MTAP: variants seen among roughly 807,000 people sequenced by gnomAD.
The protein encoded by MTAP is methylthioadenosine phosphorylase, also known as S-methyl-5'-thioadenosine phosphorylase.
MTAP carries 33 observed loss-of-function variants against 33.6 expected under a neutral mutation model. That is an observed-to-expected ratio of 0.98 (90% CI 0.74 to 1.31). The LOEUF is 1.31. Ranked by LOEUF, MTAP falls within the 40% of genes most tolerant of loss-of-function variation. The pLI, the probability that MTAP is intolerant of heterozygous loss-of-function variation, is 0.00. For synonymous variants in MTAP, 148 were observed against 125.7 expected (o/e 1.18, Z -1.19); for missense variants, 367 against 360.0 (o/e 1.02, Z -0.16).
At chr9:21,820,751 C>G (rs1824613564) in intron 4 of MTAP, among the ~76,000 whole-genome samples, 1 of 152,162 alleles carries the variant, frequency 6.6e-6, no homozygotes, top group Non-Finnish European at 1.5e-5. Flanking sequence ...TTCTACCTAT[C>G]CATGAGCATG....
At chr9:21,808,477 C>G (rs1373087076) in intron 1 of MTAP, among the ~76,000 whole-genome samples, 5 of 151,258 alleles carry the variant, frequency 3.3e-5, no homozygotes, top group Non-Finnish European at 7.4e-5. Flanking sequence ...TGTAGTTCAG[C>G]TCCTTGGGGG....
intron 1 of MTAP, among the ~76,000 whole-genome samples, chr9:21,912,403 A>G (rs979138657): frequency 6.6e-6 from 1 of 152,214 alleles, no homozygotes; most frequent in African/African-American, 2.4e-5. Context: ...GGCAAACCGA[A>G]TCCAGCAGCA....
chr9:21,853,053 C>T (rs1825555225), intron 5 of MTAP, among the ~76,000 whole-genome samples: 1 of 152,156 alleles, frequency 6.6e-6, no homozygotes, highest in African/African-American at 2.4e-5. Context: ...GTTAGCTGTT[C>T]TTGAAGGAAT....
chr9:21,848,990 T>A (rs926907811), intron 5 of MTAP, among the ~76,000 whole-genome samples: 1 of 152,178 alleles, frequency 6.6e-6, no homozygotes, highest in African/African-American at 2.4e-5. Context: ...ATCACAGCAT[T>A]CCTAGAAGTA....
At chr9:21,836,831 G>A (rs1251967074) in intron 4 of MTAP, among the ~76,000 whole-genome samples, 1 of 152,186 alleles carries the variant, frequency 6.6e-6, no homozygotes, top group African/African-American at 2.4e-5. Context: ...CCACTGTTTA[G>A]TGTGTGATGA....
At chr9:21,912,140 T>C (rs150750972) in intron 1 of MTAP, among the ~76,000 whole-genome samples, 3,404 of 152,246 alleles carry the variant, frequency 0.022, 134 homozygotes, top group African/African-American at 0.075. Flanking sequence ...CAATAATTAA[T>C]AGCTTACCAA....
At chr9:21,910,309 A>T (rs985229534) in intron 1 of MTAP, among the ~76,000 whole-genome samples, 1 of 152,170 alleles carries the variant, frequency 6.6e-6, no homozygotes, top group Non-Finnish European at 1.5e-5. Context: ...GGAAGAAAAT[A>T]AACAATAGCT....
At chr9:21,840,818 G>A (rs1587235473) in intron 5 of MTAP, among the ~76,000 whole-genome samples, 1 of 152,200 alleles carries the variant, frequency 6.6e-6, no homozygotes, top group African/African-American at 2.4e-5. Flanking sequence ...TGCTGATGGA[G>A]TGGGCAGGTG....
chr9:21,910,607 A>T (rs1447433468), intron 1 of MTAP, among the ~76,000 whole-genome samples: 2 of 152,196 alleles, frequency 1.3e-5, no homozygotes, highest in East Asian at 3.8e-4. Flanking sequence ...AATAAAGTAA[A>T]AGAGACATGT....
chr9:21,905,226 A>C (rs1346930995), intron 1 of MTAP, among the ~76,000 whole-genome samples: 6 of 152,172 alleles, frequency 3.9e-5, no homozygotes, highest in Admixed American at 6.5e-5. Flanking sequence ...GCATGAGTGC[A>C]AGGTTTTATT....
chr9:21,892,364 C>T (rs146654076), intron 1 of MTAP: 44 of 152,192 alleles, frequency 2.9e-4, no homozygotes, highest in African/African-American at 9.6e-4. Flanking sequence ...TCTATGCTAT[C>T]TTCAAGATAC....
rs762744548 is a variant in MTAP at position 21,865,458 on chromosome 9, G to T, written c.*3444G>T. 2.4e-5 allele frequency: 24 copies of T among 985,244 alleles called. No homozygotes were observed. The highest frequency in any genetic ancestry group is 2.9e-5 in the Non-Finnish European group (24 of 829,938). 61.0% of individuals were successfully genotyped at this position (985,244 alleles called of 1,614,324 possible). On this transcript the variant is annotated 3_prime_UTR_variant, in exon 8 of 8. Transcript: ENST00000644715. Reference sequence around the variant, plus strand: ...GACTAATACACTCCTCAAATGTTTTGAAGATTGTTGCACCTTGGAACTACC... The same window carrying T: ...GACTAATACACTCCTCAAATGTTTTTAAGATTGTTGCACCTTGGAACTACC...
chr9:21,834,107 T>C (rs1394771872), intron 4 of MTAP, among the ~76,000 whole-genome samples: 1 of 152,226 alleles, frequency 6.6e-6, no homozygotes, highest in Admixed American at 6.5e-5. Flanking sequence ...TGTCATACTT[T>C]GGGATTGGCA....
chr9:21,930,910 C>T (rs1321602784), intron 1 of MTAP: 1 of 640,430 alleles, frequency 1.6e-6, no homozygotes, highest in African/African-American at 1.8e-5. Context: ...TGGGTTCTTC[C>T]CTTTTTAGGC....
downstream of MTAP, chr9:21,932,796 A>G (rs1818983743): frequency 6.6e-6 from 1 of 152,164 alleles, no homozygotes; most frequent in African/African-American, 2.4e-5. Context: ...CTCTATTGCA[A>G]TTCCCCTGCC....
downstream of MTAP, chr9:21,933,850 C>CT (rs778806768): frequency 9.2e-5 from 14 of 152,142 alleles, no homozygotes; most frequent in Non-Finnish European, 1.8e-4. Context: ...CTAAAATTAA[C>CT]TTATAAAGAG....
intron 5 of MTAP, among the ~76,000 whole-genome samples, chr9:21,845,498 C>T (rs986831732): frequency 5.9e-5 from 9 of 152,090 alleles, no homozygotes; most frequent in Non-Finnish European, 1.2e-4. Context: ...AACTACAGAA[C>T]ACTGCTGAAA....
chr9:21,814,742 G>C (rs887317286), intron 1 of MTAP, among the ~76,000 whole-genome samples: 10 of 151,996 alleles, frequency 6.6e-5, no homozygotes, highest in Admixed American at 2.6e-4. Context: ...ATTTATATTT[G>C]CATAAATGTA....
chr9:21,908,355 A>G (rs1438409306), intron 1 of MTAP, among the ~76,000 whole-genome samples: 1 of 152,114 alleles, frequency 6.6e-6, no homozygotes, highest in African/African-American at 2.4e-5. Context: ...GTAACCATTC[A>G]CTTGTTGGAG....
Sources: allele counts gnomAD v4.1 joint callset (sites outside exome capture counted in the v4.1 genomes callset), GRCh38; gene constraint gnomAD v4.1.1; transcripts MANE v1.5; gene names NCBI Gene and HGNC (gene_info 2026-07-23, HGNC 2026-07-21).